RB1: variants seen among roughly 807,000 people sequenced by gnomAD.
The protein encoded by RB1 is retinoblastoma-associated protein.
RB1 carries 18 observed loss-of-function variants against 135.4 expected under a neutral mutation model. The ratio of observed to expected loss-of-function variants is 0.13; its 90% CI spans 0.09 to 0.20. The LOEUF (loss-of-function observed/expected upper bound fraction) is 0.20. RB1 is among the 10% of genes least tolerant of loss of function. The probability of loss-of-function intolerance (pLI) is 1.00; values close to 1 mark genes in which losing one functional copy is unlikely to be tolerated. For missense variants in RB1, 868 were observed against 1,110.0 expected (o/e 0.78, Z 3.10); for synonymous variants, 365 against 373.2 (o/e 0.98, Z 0.25).
intron 17 of RB1, among the ~76,000 whole-genome samples, chr13:48,439,225 T>C (rs1488555663): frequency 6.6e-6 from 1 of 152,210 alleles, no homozygotes; most frequent in Non-Finnish European, 1.5e-5. Flanking sequence ...AAAATACACA[T>C]ATCTACTTTA....
At chr13:48,329,315 T>C (rs1454561342) in intron 2 of RB1, among the ~76,000 whole-genome samples, 1 of 152,218 alleles carries the variant, frequency 6.6e-6, no homozygotes, top group Non-Finnish European at 1.5e-5. Context: ...TTATTAGTTT[T>C]CACCCACATT....
chr13:48,338,899 C>A (rs1952413395), intron 2 of RB1, among the ~76,000 whole-genome samples: 1 of 152,086 alleles, frequency 6.6e-6, no homozygotes, highest in Non-Finnish European at 1.5e-5. Context: ...TCTAACAGGA[C>A]CCTCAGCTGC....
chr13:48,403,034 A>G (rs1231126215), intron 17 of RB1, among the ~76,000 whole-genome samples: 1 of 151,952 alleles, frequency 6.6e-6, no homozygotes, highest in African/African-American at 2.4e-5. Flanking sequence ...ATGTCCTATT[A>G]AAATATGAGC....
intron 4 of RB1, among the ~76,000 whole-genome samples, chr13:48,345,963 C>CT (rs1952491005): frequency 6.6e-6 from 1 of 151,892 alleles, no homozygotes; most frequent in Admixed American, 6.6e-5. Flanking sequence ...CCCCCTTTTT[C>CT]TTTTTTGACC....
At chr13:48,436,187 G>C (rs111584463) in intron 17 of RB1, among the ~76,000 whole-genome samples, 3 of 152,310 alleles carry the variant, frequency 2.0e-5, no homozygotes, top group African/African-American at 7.2e-5. Flanking sequence ...GCTGGTTGGT[G>C]ATGAAGGAAA....
At chr13:48,407,720 T>C (rs1948752704) in intron 17 of RB1, among the ~76,000 whole-genome samples, 1 of 152,194 alleles carries the variant, frequency 6.6e-6, no homozygotes, top group Admixed American at 6.5e-5. Flanking sequence ...AGAAGCCATG[T>C]TATAAATGGG....
At chr13:48,476,550 A>G (rs972596143) in intron 24 of RB1, 151 bp from the exon 25 acceptor site, 3 of 745,220 alleles carry the variant, frequency 4.0e-6, no homozygotes, top group Non-Finnish European at 6.5e-6. Context: ...TAGATTTTTC[A>G]TATCTTTTAT....
At chr13:48,411,365 C>T (rs750979489) in intron 17 of RB1, 28 of 1,578,008 alleles carry the variant, frequency 1.8e-5, no homozygotes, top group Non-Finnish European at 2.2e-5. Context: ...AAGTTCTGTC[C>T]CAGTGAGTCC....
At chr13:48,317,478 G>T in intron 2 of RB1, 1 of 441,092 alleles carries the variant, frequency 2.3e-6, no homozygotes, top group Non-Finnish European at 4.1e-6. Flanking sequence ...GGGTCAGGAA[G>T]CCCCGGCTCC....
chr13:48,320,464 C>T, intron 2 of RB1: 3 of 843,386 alleles, frequency 3.6e-6, no homozygotes, highest in Non-Finnish European at 5.7e-6. Context: ...AGTAGCGTTC[C>T]TGAGAAACAT....
chr13:48,369,368 A>G (rs1331443995), intron 11 of RB1, among the ~76,000 whole-genome samples: 2 of 152,130 alleles, frequency 1.3e-5, no homozygotes, highest in East Asian at 1.9e-4. Flanking sequence ...GATTTTTTGC[A>G]GTAGCCTACT....
chr13:48,364,062 A>G (rs929934150), intron 8 of RB1, among the ~76,000 whole-genome samples: 2 of 152,338 alleles, frequency 1.3e-5, no homozygotes, highest in African/African-American at 2.4e-5. Context: ...ATTTATCAAG[A>G]TATATCATAG....
At chr13:48,477,484 T>C (rs1171466945) in intron 26 of RB1, 80 bp downstream of exon 26, 1 of 1,185,030 alleles carries the variant, frequency 8.4e-7, no homozygotes, top group Admixed American at 1.9e-5. Context: ...TATAAAAGAA[T>C]GTATAATTTC....
intron 17 of RB1, among the ~76,000 whole-genome samples, chr13:48,424,742 C>T (rs901877201): frequency 3.3e-5 from 5 of 152,066 alleles, no homozygotes; most frequent in African/African-American, 9.7e-5. Context: ...AAGACATATA[C>T]GTGCAATTCA....
intron 6 of RB1, among the ~76,000 whole-genome samples, chr13:48,358,778 GTC>G (rs2138105814): frequency 6.6e-6 from 1 of 152,210 alleles, no homozygotes; most frequent in African/African-American, 2.4e-5. Context: ...CGCTCAGTCA[GTC>G]TCTCATTTGA....
chr13:48,400,047 A>C (rs978586040), intron 17 of RB1, among the ~76,000 whole-genome samples: 1 of 152,098 alleles, frequency 6.6e-6, no homozygotes, highest in African/African-American at 2.4e-5. Flanking sequence ...AAAAACAAAC[A>C]AAAATCTAAC....
chr13:48,437,207 G>A (rs188978106), intron 17 of RB1, among the ~76,000 whole-genome samples: 114 of 152,272 alleles, frequency 7.5e-4, no homozygotes, highest in African/African-American at 2.7e-3. Flanking sequence ...AGAGTGAAGC[G>A]TTGTTCAGAG....
At chr13:48,354,549 A>T (rs1329822560) in intron 6 of RB1, among the ~76,000 whole-genome samples, 5 of 152,192 alleles carry the variant, frequency 3.3e-5, no homozygotes, top group Non-Finnish European at 7.4e-5. Context: ...CTATCAAAAT[A>T]CCAATGACAT....
intron 17 of RB1, among the ~76,000 whole-genome samples, chr13:48,400,648 G>A (rs1948683967): frequency 6.6e-6 from 1 of 152,062 alleles, no homozygotes; most frequent in Non-Finnish European, 1.5e-5. Flanking sequence ...GAGACCTGAG[G>A]TCCAGAGATG....
Sources: allele counts gnomAD v4.1 joint callset (sites outside exome capture counted in the v4.1 genomes callset), GRCh38; gene constraint gnomAD v4.1.1; transcripts MANE v1.5; gene names NCBI Gene and HGNC (gene_info 2026-07-23, HGNC 2026-07-21).